The following IGF1 variants were observed in gnomAD, a reference collection of about 807,000 sequenced individuals.
IGF1 encodes insulin-like growth factor 1.
IGF1 carries 4 observed loss-of-function variants against 13.8 expected under a neutral mutation model. That is an observed-to-expected ratio of 0.29 (90% CI 0.14 to 0.66). The LOEUF (loss-of-function observed/expected upper bound fraction) is 0.66. Ranked by LOEUF, IGF1 falls within the 30% of genes least tolerant of loss-of-function variation. IGF1 has a pLI of 0.78. For synonymous variants in IGF1, 76 were observed against 72.6 expected, an observed-to-expected ratio of 1.05 and a Z score of -0.23; for missense variants, 124 against 188.5, an observed-to-expected ratio of 0.66 and a Z score of 2.00.
rs57084343 is a variant in IGF1 at position 102,441,915 on chromosome 12, C to CCTTCTTCTTCTTCTT, written c.221-22240_221-22226dup. Among the ~76,000 whole-genome samples the CCTTCTTCTTCTTCTT allele has an allele frequency of 4.9e-3, 597 of 122,130 alleles. 11 individuals are homozygous for CCTTCTTCTTCTTCTT. Among genetic ancestry groups the CCTTCTTCTTCTTCTT allele is most frequent in the African/African-American group, 0.017 (542 of 32,480 alleles). 80.1% of individuals were successfully genotyped at this position (122,130 alleles called of 152,430 possible). A position where few individuals can be genotyped will look rare whatever the true frequency, so the allele number is the denominator to read the frequency against. On this transcript the variant is annotated intron_variant, in intron 2 of 3. Transcript: ENST00000337514. ...GTCATTCTATTACACTGCTTCTTCT[C>CCTTCTTCTTCTTCTT]CTTCTTCTTCTTCTTCTTCTTCTTC...
intron 1 of IGF1, among the ~76,000 whole-genome samples, chr12:102,476,883 G>A (rs768247771): frequency 9.9e-5 from 15 of 152,136 alleles, no homozygotes; most frequent in Non-Finnish European, 2.1e-4. Flanking sequence ...TGATCATTAA[G>A]TTTTTCCATA....
chr12:102,443,388 C>A (rs1470438701), intron 2 of IGF1, among the ~76,000 whole-genome samples: 4 of 152,070 alleles, frequency 2.6e-5, no homozygotes, highest in Non-Finnish European at 5.9e-5. Flanking sequence ...CCTCCAGCAG[C>A]CATCTTGGCC....
At chr12:102,421,746 C>G (rs1875740948) in intron 2 of IGF1, among the ~76,000 whole-genome samples, 1 of 152,198 alleles carries the variant, frequency 6.6e-6, no homozygotes, top group African/African-American at 2.4e-5. Flanking sequence ...TTTCAAAATT[C>G]ATGGTTAGCC....
chr12:102,453,285 G>A (rs1848556189), intron 2 of IGF1, among the ~76,000 whole-genome samples: 1 of 152,170 alleles, frequency 6.6e-6, no homozygotes, highest in Non-Finnish European at 1.5e-5. Flanking sequence ...AGGAGTGGGA[G>A]AGTTCCCTAT....
chr12:102,461,670 G>A (rs1879906373), intron 2 of IGF1, among the ~76,000 whole-genome samples: 2 of 152,104 alleles, frequency 1.3e-5, no homozygotes, highest in African/African-American at 2.4e-5. Context: ...CCCAGTGATG[G>A]GCTTGGAAAT....
chr12:102,441,266 A>G (rs1877689126), intron 2 of IGF1, among the ~76,000 whole-genome samples: 1 of 152,210 alleles, frequency 6.6e-6, no homozygotes, highest in South Asian at 2.1e-4. Flanking sequence ...CTGCACCATT[A>G]TCTTCTTGCT....
intron 2 of IGF1, among the ~76,000 whole-genome samples, chr12:102,436,887 G>A (rs946463946): frequency 2.0e-5 from 3 of 152,168 alleles, no homozygotes; most frequent in African/African-American, 7.2e-5. Flanking sequence ...CTGTGTATGA[G>A]GCTTTCATAG....
chr12:102,404,492 G>A (rs191520926), intron 3 of IGF1, among the ~76,000 whole-genome samples: 2 of 152,260 alleles, frequency 1.3e-5, no homozygotes, highest in African/African-American at 4.8e-5. Context: ...TTTATGAGTC[G>A]ATGGTCAACA....
chr12:102,433,944 C>T (rs1354798732), intron 2 of IGF1, among the ~76,000 whole-genome samples: 1 of 152,138 alleles, frequency 6.6e-6, no homozygotes, highest in African/African-American at 2.4e-5. Context: ...AGAATGTCAT[C>T]TCACCCCACC....
chr12:102,453,422 C>G (rs936034239), intron 2 of IGF1, among the ~76,000 whole-genome samples: 2 of 152,196 alleles, frequency 1.3e-5, no homozygotes, highest in Non-Finnish European at 2.9e-5. Context: ...TTCAATTATA[C>G]TCAGGCAATG....
At chr12:102,458,599 A>G (rs912654245) in intron 2 of IGF1, among the ~76,000 whole-genome samples, 5 of 152,142 alleles carry the variant, frequency 3.3e-5, no homozygotes, top group African/African-American at 1.2e-4. Context: ...ATAAAAACGA[A>G]TAACAATTAA....
chr12:102,446,293 A>G (rs930340612), intron 2 of IGF1, among the ~76,000 whole-genome samples: 1 of 152,152 alleles, frequency 6.6e-6, no homozygotes. Flanking sequence ...TTTCAGACGG[A>G]ATGGTACCAG....
intron 3 of IGF1, among the ~76,000 whole-genome samples, chr12:102,404,306 GAGA>G (rs1024937670): frequency 1.2e-4 from 19 of 152,194 alleles, no homozygotes; most frequent in African/African-American, 4.6e-4. Flanking sequence ...CTGAGACCTG[GAGA>G]AGGTGAGAGG....
In IGF1 at chr12:102,396,802, A is replaced by G; in HGVS notation, c.*5705T>C. The stretch of plus-strand genomic sequence containing the variant: ...TTGTGTCCTCTCTTTTTTTTTTTTT[A>G]CTTTAAAAAAGCTTGGATTTTTTTC... On this transcript the variant is annotated 3_prime_UTR_variant, in exon 4 of 4. Coordinates refer to ENST00000337514, the MANE Select transcript of IGF1 (RefSeq NM_000618.5). 5.1e-6 allele frequency: 2 copies of G among 388,750 alleles called. No individual in the cohort carries two copies. Among genetic ancestry groups the G allele is most frequent in the Admixed American group, 4.6e-5 (1 of 21,660 alleles). The allele number at this position is 388,750 out of a possible 1,614,324, so 24.1% of individuals were successfully genotyped here. A position where few individuals can be genotyped will look rare whatever the true frequency, so the allele number is the denominator to read the frequency against.
chr12:102,402,936 C>G (rs1427818234), intron 3 of IGF1, among the ~76,000 whole-genome samples: 2 of 152,224 alleles, frequency 1.3e-5, no homozygotes, highest in Non-Finnish European at 2.9e-5. Context: ...CAATCACATT[C>G]TGGATTCATC....
upstream of IGF1, chr12:102,480,667 A>G: frequency 8.0e-7 from 1 of 1,243,878 alleles, no homozygotes; most frequent in Non-Finnish European, 1.0e-6. Flanking sequence ...CTCTTCTGGC[A>G]AAGTTATTGA....
At position 102,399,166 on chromosome 12, in the gene IGF1, G is replaced by A. The variant is rs946757967; in HGVS notation, c.*3341C>T. 6.6e-6 allele frequency: 1 copy of A among 150,994 alleles called. No homozygotes were observed. Among genetic ancestry groups the A allele is most frequent in the Admixed American group, 6.6e-5 (1 of 15,086 alleles). The allele number at this position is 150,994 out of a possible 1,614,324, so 9.4% of individuals were successfully genotyped here. A position where few individuals can be genotyped will look rare whatever the true frequency, so the allele number is the denominator to read the frequency against. The stretch of plus-strand genomic sequence containing the variant: ...GTGTGTCTGTGTATGTAGGGTGGGT[G>A]TTAAGAGATTTTCATATCCCTAGAA... On this transcript the variant is annotated 3_prime_UTR_variant, in exon 4 of 4. Coordinates refer to ENST00000337514, the MANE Select transcript of IGF1 (RefSeq NM_000618.5).
Position 102,480,433 on chromosome 12 carries a change from G to T in IGF1, c.-52C>A, listed in dbSNP as rs773320477. On this transcript the variant is annotated 5_prime_UTR_variant, in exon 1 of 4. Transcript: ENST00000337514. Reference sequence around the variant, plus strand: ...TGAATTGGTTAGCAGGAATAATGAAGCAAAAAGAAATCCAGAGAGATGGGA... The same window carrying T: ...TGAATTGGTTAGCAGGAATAATGAATCAAAAAGAAATCCAGAGAGATGGGA... 6.2e-6 allele frequency: 10 copies of T among 1,611,756 alleles called. No homozygotes were observed. In the Admixed American group the frequency reaches 1.7e-4, roughly 27 times the overall value.
At chr12:102,454,167 C>A (rs1328334712) in intron 2 of IGF1, among the ~76,000 whole-genome samples, 1 of 152,174 alleles carries the variant, frequency 6.6e-6, no homozygotes, top group Non-Finnish European at 1.5e-5. Context: ...GTTTCTGTGT[C>A]CAGAATTTTT....
Sources: gnomAD v4.1 joint callset for allele counts (sites outside exome capture counted in the v4.1 genomes callset) on GRCh38, gnomAD v4.1.1 for gene constraint, MANE v1.5 for transcripts, NCBI Gene and HGNC (gene_info 2026-07-23, HGNC 2026-07-21) for gene names.